Variants in GKAP1 observed in about 807,000 individuals in gnomAD.
GKAP1 encodes G kinase anchoring protein 1.
A neutral mutation model predicts 56.7 loss-of-function variants in GKAP1; 31 were observed. That is an observed-to-expected ratio of 0.55 (90% confidence interval 0.41 to 0.74). The LOEUF is 0.74. GKAP1 is among the 30% of genes least tolerant of loss of function. The pLI, the probability that GKAP1 is intolerant of heterozygous loss-of-function variation, is 0.00. For synonymous variants in GKAP1, 151 were observed against 138.6 expected (o/e 1.09, Z -0.63); for missense variants, 364 against 402.3 (o/e 0.90, Z 0.82).
intron 4 of GKAP1, among the ~76,000 whole-genome samples, chr9:83,792,381 G>T (rs1027315910): frequency 6.6e-6 from 1 of 152,314 alleles, no homozygotes; most frequent in East Asian, 1.9e-4. Flanking sequence ...TTAAATAAAA[G>T]TAATTTTTAA....
intron 2 of GKAP1, among the ~76,000 whole-genome samples, chr9:83,808,280 C>T (rs192580223): frequency 2.0e-4 from 30 of 152,270 alleles, no homozygotes; most frequent in African/African-American, 7.2e-4. Context: ...AATTCTGCTT[C>T]AACCTCAACA....
intron 12 of GKAP1, 43 bp downstream of exon 12, chr9:83,741,909 G>A (rs1313623675): frequency 2.5e-6 from 3 of 1,210,922 alleles, no homozygotes; most frequent in Non-Finnish European, 3.6e-6. Context: ...TACTCCAAAT[G>A]TATTATTTGT....
At chr9:83,748,926 G>A (rs1299864358) in intron 9 of GKAP1, 3 of 152,180 alleles carry the variant, frequency 2.0e-5, no homozygotes, top group Non-Finnish European at 2.9e-5. Context: ...TTATAGGACA[G>A]TTCTATACCT....
At position 83,758,662 on chromosome 9, in the gene GKAP1, T is replaced by C. The variant is rs113277154; in HGVS notation, c.739-5303A>G. 3.5e-3 allele frequency among the ~76,000 whole-genome samples: 535 copies of C among 152,058 alleles called. 1 individual carries two copies. The highest frequency in any genetic ancestry group is 0.01 in the African/African-American group (415 of 41,430). The stretch of plus-strand genomic sequence containing the variant: ...TACTTGGGAGGCTGAGGCAGGAGCA[T>C]TGCTTGAACCCAGGAGGTGAAGGTT... On this transcript the variant is annotated intron_variant, in intron 8 of 12. Transcript: ENST00000376371.
intron 9 of GKAP1, among the ~76,000 whole-genome samples, chr9:83,752,223 G>T (rs1943402596): frequency 6.6e-6 from 1 of 152,184 alleles, no homozygotes; most frequent in Non-Finnish European, 1.5e-5. Flanking sequence ...TCAACATAGT[G>T]AAACCCCGTC....
chr9:83,792,973 C>T (rs1944186949), intron 4 of GKAP1: 1 of 1,273,406 alleles, frequency 7.9e-7, no homozygotes, highest in Non-Finnish European at 1.0e-6. Context: ...TGGAGTACTT[C>T]AGATCCCCTT....
rs149678796 is a variant in GKAP1, at chr9:83,748,340, T to G, written c.873A>C (p.Ala291=). ...AKYKEVKARN[A]QLLKMLQEGE... is the part of the protein sequence containing the mutation. The stretch of plus-strand genomic sequence containing the variant: ...CTTCCTGAAGCATTTTCAATAATTG[T>G]GCATTTCTTGCCTTTACTTCCTTAT... Residue 291 remains alanine (A), a synonymous_variant, in exon 10 of 13, where the codon GCA becomes GCC. Transcript: ENST00000376371. 377 of 1,599,416 alleles carry G rather than the reference T, an allele frequency of 2.4e-4. No individual in the cohort carries two copies. The highest frequency in any genetic ancestry group is 2.3e-3 in the Middle Eastern group (14 of 6,012).
intron 12 of GKAP1, among the ~76,000 whole-genome samples, chr9:83,741,344 C>A (rs1034606845): frequency 7.3e-6 from 1 of 136,920 alleles, no homozygotes; most frequent in Non-Finnish European, 1.6e-5. Context: ...TATATACACA[C>A]ACATAAATAT....
intron 7 of GKAP1, among the ~76,000 whole-genome samples, chr9:83,773,891 T>C (rs1370498413): frequency 6.6e-6 from 1 of 152,172 alleles, no homozygotes; most frequent in African/African-American, 2.4e-5. Flanking sequence ...CATGCAGCTA[T>C]AAAAAATTGT....
intron 5 of GKAP1, among the ~76,000 whole-genome samples, chr9:83,787,201 T>C (rs955477948): frequency 1.3e-5 from 2 of 152,196 alleles, no homozygotes; most frequent in Non-Finnish European, 2.9e-5. Context: ...TTTTTCCTTT[T>C]CCCTTGAACT....
At chr9:83,757,183 G>A (rs1192222088) in intron 8 of GKAP1, among the ~76,000 whole-genome samples, 1 of 152,252 alleles carries the variant, frequency 6.6e-6, no homozygotes, top group East Asian at 1.9e-4. Flanking sequence ...GTGAGAGAGA[G>A]CTTCTGGGAG....
At position 83,741,987 on chromosome 9, in the gene GKAP1, C is replaced by T. The variant is rs1328341727; in HGVS notation, c.1018G>A (p.Val340Met). 1.9e-6 allele frequency: 3 copies of T among 1,592,926 alleles called. No homozygotes were observed. ...GCTAACTCTGCTTGTAATACTTTCACTTTAGATCTTTCTTGTTCTAATGCA... is the reference window on the plus strand; with the variant it reads ...GCTAACTCTGCTTGTAATACTTTCATTTTAGATCTTTCTTGTTCTAATGCA... The part of the protein sequence containing the change: ...HAALEQERSK[V>M]KVLQAELAKY... The change falls in exon 12 of 13, where the codon GTG becomes ATG. Residue 340 changes from valine to methionine, a missense_variant. Transcript: ENST00000376371.
chr9:83,785,269 G>A (rs980981682), intron 5 of GKAP1, among the ~76,000 whole-genome samples: 3 of 151,886 alleles, frequency 2.0e-5, no homozygotes, highest in African/African-American at 7.3e-5. Context: ...TCTGACTACT[G>A]CTAAGTTTCC....
chr9:83,782,165 G>A (rs1348504766), intron 6 of GKAP1, among the ~76,000 whole-genome samples: 1 of 150,978 alleles, frequency 6.6e-6, no homozygotes, highest in Non-Finnish European at 1.5e-5. Context: ...TTTTTTAAGA[G>A]ACAAGATCTC....
intron 2 of GKAP1, among the ~76,000 whole-genome samples, chr9:83,816,301 T>TC (rs935242105): frequency 2.5e-4 from 38 of 152,240 alleles, no homozygotes; most frequent in African/African-American, 8.9e-4. Context: ...TGCCCCAAAC[T>TC]CCATTTTTTT....
rs189241324 is a variant in GKAP1 at position 83,753,690 on chromosome 9, C to A, written c.739-331G>T. ...AAAAATTCAAAAATTCAAAAAATGA[C>A]TACAAATACAAAATTAATAAAAAAT... is the stretch of plus-strand genomic sequence containing the variant. On this transcript the variant is annotated intron_variant, in intron 8 of 12. Coordinates refer to ENST00000376371, the MANE Select transcript of GKAP1 (RefSeq NM_025211.4). Among the ~76,000 whole-genome samples, 36 of 152,162 alleles carry A rather than the reference C, an allele frequency of 2.4e-4. No homozygotes were observed. The East Asian group carries it at 6.2e-3, about 26-fold the overall frequency.
chr9:83,747,364 G>T (rs561823232), intron 10 of GKAP1, among the ~76,000 whole-genome samples: 2 of 152,222 alleles, frequency 1.3e-5, no homozygotes, highest in East Asian at 3.9e-4. Context: ...AAAGTTTACA[G>T]AGTAGCAGCA....
chr9:83,753,005 A>C (rs374598391), intron 9 of GKAP1, among the ~76,000 whole-genome samples: 49 of 152,164 alleles, frequency 3.2e-4, no homozygotes, highest in Middle Eastern at 3.4e-3. Flanking sequence ...GGTTGCACCG[A>C]GCTGAGATCA....
chr9:83,743,198 G>A (rs1943236923), intron 10 of GKAP1, among the ~76,000 whole-genome samples: 1 of 151,818 alleles, frequency 6.6e-6, no homozygotes, highest in Non-Finnish European at 1.5e-5. Flanking sequence ...CACAAATATG[G>A]TGCAAGATTA....
Sources: allele counts gnomAD v4.1 joint callset (sites outside exome capture counted in the v4.1 genomes callset), GRCh38; gene constraint gnomAD v4.1.1; transcripts MANE v1.5; gene names NCBI Gene and HGNC (gene_info 2026-07-23, HGNC 2026-07-21).